Variants in KAZN observed in about 807,000 individuals in gnomAD.
KAZN encodes the protein kazrin, periplakin interacting protein.
In KAZN, 40 loss-of-function variants were observed where a neutral mutation model predicts 87.4. That is an observed-to-expected ratio of 0.46 (90% CI 0.36 to 0.60). The LOEUF is 0.60. KAZN is among the 20% of genes least tolerant of loss of function. The probability of loss-of-function intolerance (pLI) is 0.00; values close to 1 mark genes in which losing one functional copy is unlikely to be tolerated. For synonymous variants in KAZN, 466 were observed against 458.3 expected (o/e 1.02, Z -0.22); for missense variants, 898 against 1,073.9 (o/e 0.84, Z 2.29).
chr1:14,940,359 T>C (rs989695271), intron 1 of KAZN, among the ~76,000 whole-genome samples: 2 of 152,306 alleles, frequency 1.3e-5, no homozygotes, highest in African/African-American at 4.8e-5. Context: ...CAAAAATTGA[T>C]CTCACAGTAG....
At chr1:13,894,327 A>C (rs1306413752) in intron 1 of KAZN, among the ~76,000 whole-genome samples, 1 of 152,132 alleles carries the variant, frequency 6.6e-6, no homozygotes, top group Non-Finnish European at 1.5e-5. Flanking sequence ...TTTATACAGA[A>C]GGGAAAGATT....
intron 1 of KAZN, chr1:14,924,417 A>T: frequency 1.0e-6 from 1 of 986,738 alleles, no homozygotes; most frequent in Non-Finnish European, 1.2e-6. Context: ...CTCGCGGCGC[A>T]GGGCGAGCCG....
At chr1:14,325,864 T>C (rs1169299376) in intron 2 of KAZN, among the ~76,000 whole-genome samples, 1 of 152,214 alleles carries the variant, frequency 6.6e-6, no homozygotes, top group Non-Finnish European at 1.5e-5. Context: ...TTAAGTCTCC[T>C]CCAACTACCC....
chr1:14,594,231 G>T (rs1162701334), upstream of KAZN, among the ~76,000 whole-genome samples: 1 of 152,162 alleles, frequency 6.6e-6, no homozygotes, highest in East Asian at 1.9e-4. Flanking sequence ...GTTATATTAT[G>T]AGGTCACTCT....
At chr1:14,174,389 C>T (rs2100277842) in intron 1 of KAZN, among the ~76,000 whole-genome samples, 1 of 152,220 alleles carries the variant, frequency 6.6e-6, no homozygotes, top group African/African-American at 2.4e-5. Context: ...TCCTTGAGAG[C>T]CTCCAGGACA....
intron 1 of KAZN, among the ~76,000 whole-genome samples, chr1:13,987,846 G>A (rs1191263564): frequency 2.0e-5 from 3 of 152,142 alleles, no homozygotes; most frequent in East Asian, 3.8e-4. Context: ...CTGAGCCTGG[G>A]TAATTTACAA....
chr1:14,929,832 A>G, intron 1 of KAZN: 1 of 985,460 alleles, frequency 1.0e-6, no homozygotes, highest in South Asian at 4.7e-5. Flanking sequence ...CCTCCTGTTC[A>G]CAAGGACAAC....
At chr1:14,001,343 CA>C (rs796616967) in intron 1 of KAZN, among the ~76,000 whole-genome samples, 84 of 151,890 alleles carry the variant, frequency 5.5e-4, no homozygotes, top group African/African-American at 1.9e-3. Context: ...ACTGTTCAAG[CA>C]AATAAGAAAG....
intron 1 of KAZN, among the ~76,000 whole-genome samples, chr1:14,944,208 C>G (rs943074111): frequency 1.4e-5 from 2 of 147,968 alleles, no homozygotes; most frequent in Non-Finnish European, 3.0e-5. Flanking sequence ...TGCCTCTTCC[C>G]GCTCCCAGCT....
intron 2 of KAZN, among the ~76,000 whole-genome samples, chr1:14,532,687 T>A (rs893636976): frequency 6.9e-6 from 1 of 144,738 alleles, no homozygotes; most frequent in Admixed American, 7.2e-5. Flanking sequence ...TTCTCATTGT[T>A]CAATTCCTAC....
upstream of KAZN, among the ~76,000 whole-genome samples, chr1:14,595,680 C>CAAA (rs34080804): frequency 7.5e-4 from 72 of 96,626 alleles, no homozygotes; most frequent in African/African-American, 3.1e-3. Flanking sequence ...GACTGCGTCT[C>CAAA]AAAAAAAAAA....
chr1:14,239,563 C>T (rs763028465), intron 2 of KAZN, among the ~76,000 whole-genome samples: 97 of 148,096 alleles, frequency 6.5e-4, no homozygotes, highest in Non-Finnish European at 6.5e-4. Flanking sequence ...CGGGTTCAGG[C>T]GATTCTCCTG....
chr1:14,278,943 T>G, intron 2 of KAZN, among the ~76,000 whole-genome samples: 1 of 148,560 alleles, frequency 6.7e-6, no homozygotes, highest in Non-Finnish European at 1.5e-5. Context: ...TTTTTTTTTT[T>G]TTTTTTGGCA....
intron 1 of KAZN, among the ~76,000 whole-genome samples, chr1:14,002,453 C>A (rs1437203315): frequency 6.6e-6 from 1 of 152,236 alleles, no homozygotes; most frequent in African/African-American, 2.4e-5. Context: ...GCTTTTGCTT[C>A]TTCCTCATTT....
At chr1:13,931,911 C>T (rs1052398434) in intron 1 of KAZN, among the ~76,000 whole-genome samples, 6 of 152,072 alleles carry the variant, frequency 3.9e-5, no homozygotes, top group Non-Finnish European at 5.9e-5. Flanking sequence ...GATCTTGGCT[C>T]ACTGCAACCT....
chr1:14,531,827 T>C (rs1033530880), intron 2 of KAZN, among the ~76,000 whole-genome samples: 1 of 152,198 alleles, frequency 6.6e-6, no homozygotes, highest in Non-Finnish European at 1.5e-5. Flanking sequence ...TGCAAAATGT[T>C]TCCACGTATA....
intron 1 of KAZN, among the ~76,000 whole-genome samples, chr1:13,956,327 C>A (rs1445660608): frequency 8.0e-6 from 1 of 125,054 alleles, no homozygotes; most frequent in Non-Finnish European, 1.7e-5. Flanking sequence ...TTTTTTTGAT[C>A]ATTTATAAAA....
At chr1:14,286,348 G>A (rs964133652) in intron 2 of KAZN, among the ~76,000 whole-genome samples, 9 of 152,122 alleles carry the variant, frequency 5.9e-5, no homozygotes, top group African/African-American at 2.2e-4. Context: ...AAATTAATTA[G>A]CTCTTTAAAG....
At chr1:14,466,816 A>C (rs1668172501) in intron 2 of KAZN, among the ~76,000 whole-genome samples, 2 of 152,128 alleles carry the variant, frequency 1.3e-5, no homozygotes, top group Admixed American at 6.5e-5. Flanking sequence ...AAAATACAAA[A>C]AAATTAGCCT....
Sources: allele counts gnomAD v4.1 joint callset (sites outside exome capture counted in the v4.1 genomes callset), GRCh38; gene constraint gnomAD v4.1.1; transcripts MANE v1.5; gene names NCBI Gene and HGNC (gene_info 2026-07-23, HGNC 2026-07-21).